KRT28: variants seen among roughly 807,000 people sequenced by gnomAD.
The protein encoded by KRT28 is keratin 28, also known as keratin, type I cytoskeletal 28.
A neutral mutation model predicts 48.1 loss-of-function variants in KRT28; 45 were observed. The observed-to-expected ratio is 0.94, with a 90% CI of 0.74 to 1.20. The LOEUF (loss-of-function observed/expected upper bound fraction) is 1.20, where lower values mean the gene tolerates loss of function less well. KRT28 is among the 50% of genes most tolerant of loss of function. The pLI, the probability that KRT28 is intolerant of heterozygous loss-of-function variation, is 0.00. For missense variants in KRT28, 571 were observed against 574.1 expected (o/e 0.99, Z 0.06); for synonymous variants, 228 against 227.4 (o/e 1.00, Z -0.03).
At chr17:40,796,787 CCT>C in intron 5 of KRT28, 127 bp downstream of exon 5, 1 of 1,261,708 alleles carries the variant, frequency 7.9e-7, no homozygotes, top group South Asian at 1.5e-5. Context: ...TTCCTGCTCT[CCT>C]CCACTCTCTC....
At chr17:40,798,059 T>A (rs77577765) in intron 3 of KRT28, among the ~76,000 whole-genome samples, 176 bp downstream of exon 3, 1 of 152,220 alleles carries the variant, frequency 6.6e-6, no homozygotes, top group South Asian at 2.1e-4. Context: ...TATTAATTCA[T>A]TGAAGCCTTT....
intron 6 of KRT28, 63 bp from the exon 7 acceptor site, chr17:40,793,273 T>C (rs570268631): frequency 7.5e-6 from 8 of 1,066,946 alleles, no homozygotes; most frequent in Non-Finnish European, 1.1e-5. Flanking sequence ...GAAATATTCA[T>C]TGACTCAATG....
Position 40,799,771 on chromosome 17 carries a change from A to T in KRT28, c.123T>A (p.Ala41=), listed in dbSNP as rs1009603065. 1 of 1,613,988 alleles carries T rather than the reference A, an allele frequency of 6.2e-7. No individual in the cohort carries two copies. Among genetic ancestry groups the T allele is most frequent in the African/African-American group, 1.3e-5 (1 of 74,908 alleles). ...AGSSACGGSV[A]GSEFSCALGG... The stretch of plus-strand genomic sequence containing the variant: ...CCAAGGCACAGGAAAATTCACTTCC[A>T]GCAACAGAGCCACCACATGCACTGC... Residue 41 remains alanine (A), a synonymous_variant, in exon 1 of 8, where the codon GCT becomes GCA. Transcript: ENST00000306658.
Position 40,793,901 on chromosome 17 carries a change from T to A in KRT28, c.1124A>T (p.His375Leu), listed in dbSNP as rs1181241302. The change falls in exon 6 of 8, where the codon CAT becomes CTT. Residue 375 changes from histidine (H) to leucine (L), a missense_variant. Coordinates refer to ENST00000306658, the MANE Select transcript of KRT28 (RefSeq NM_181535.3). ...CAAGTGGACCTTGACATCGAGGAGA[T>A]GCTCATACTCCAGCTTCTGGCCCTC... ...ETEGQKLEYE[H>L]LLDVKVHLEK... The A allele has an allele frequency of 2.5e-6, 4 of 1,613,842 alleles. No homozygotes were observed. Among genetic ancestry groups the A allele is most frequent in the African/African-American group, 2.7e-5 (2 of 74,924 alleles).
At position 40,799,820 on chromosome 17, in the gene KRT28, T is replaced by C. The variant is rs371614922; in HGVS notation, c.74A>G (p.Asn25Ser). The C allele has an allele frequency of 3.3e-5, 53 of 1,613,882 alleles. No individual in the cohort carries two copies. The highest frequency in any genetic ancestry group is 1.0e-4 in the Admixed American group (6 of 59,988). ...RSGAGSVRPL[N>S]GGAGFAGSSA... Reference sequence around the variant, plus strand: ...GCTGCCTGCAAAGCCTGCACCTCCATTGAGGGGTCTGACAGATCCAGCTCC... The same window carrying C: ...GCTGCCTGCAAAGCCTGCACCTCCACTGAGGGGTCTGACAGATCCAGCTCC... Residue 25 changes from asparagine to serine, a missense_variant, in exon 1 of 8, where the codon AAT (asparagine) becomes AGT (serine). By Grantham distance (46) the Asn-to-Ser change is conservative. Coordinates refer to ENST00000306658, the MANE Select transcript of KRT28 (RefSeq NM_181535.3).
chr17:40,794,450 C>T (rs1241832105), intron 5 of KRT28, among the ~76,000 whole-genome samples: 1 of 152,188 alleles, frequency 6.6e-6, no homozygotes, highest in East Asian at 1.9e-4. Context: ...CTGCTACTGT[C>T]CCCGCAGATC....
In KRT28 at chr17:40,795,185, G is replaced by A. The variant is rs563141123; in HGVS notation, c.979-1139C>T. Among the ~76,000 whole-genome samples, 9 of 152,298 alleles carry A rather than the reference G, an allele frequency of 5.9e-5. No homozygotes were observed. The East Asian group carries it at 1.5e-3, about 26-fold the overall frequency. ...GAGCTACTGACTTAGGCAAACAGAC[G>A]TGTTACATGGAGGGTGCTGGGCTCT... is the stretch of plus-strand genomic sequence containing the variant. On this transcript the variant is annotated intron_variant, in intron 5 of 7. Coordinates refer to ENST00000306658, the MANE Select transcript of KRT28 (RefSeq NM_181535.3).
rs1904700780 is a variant in KRT28 at position 40,799,573 on chromosome 17, C to G, written c.321G>C (p.Leu107=). 1 of 1,614,184 alleles carries G rather than the reference C, an allele frequency of 6.2e-7. No individual in the cohort carries two copies. The highest frequency in any genetic ancestry group is 1.3e-5 in the African/African-American group (1 of 75,036). ...LASYLDNVRA[L]EEANAELERK... is the part of the protein sequence containing the mutation. ...TCTCTAATTCAGCATTTGCCTCCTCCAGAGCTCGCACATTATCCAGGTAGG... is the reference window on the plus strand; with the variant it reads ...TCTCTAATTCAGCATTTGCCTCCTCGAGAGCTCGCACATTATCCAGGTAGG... The change falls in exon 1 of 8, where the codon CTG becomes CTC. Residue 107 remains leucine, a synonymous_variant. Coordinates refer to ENST00000306658, the MANE Select transcript of KRT28 (RefSeq NM_181535.3).
chr17:40,792,523 A>T lies in KRT28; in HGVS notation c.1299T>A (p.Asp433Glu). 6.2e-7 allele frequency: 1 copy of T among 1,613,370 alleles called. No homozygotes were observed. Among genetic ancestry groups the T allele is most frequent in the Non-Finnish European group, 8.5e-7 (1 of 1,179,662 alleles). The change falls in exon 8 of 8, where the codon GAT (aspartate) becomes GAA (glutamate). Residue 433 changes from aspartate (D) to glutamate (E), a missense_variant. By Grantham distance (45) the Asp-to-Glu change is conservative. Transcript: ENST00000306658. ...TTGATGAAAGAACTTTACCACGTTG[A>T]TCTAGCTCTTCAACCACTGTCTTTA... ...TLVKTVVEEL[D>E]QRGKVLSSRI...
intron 1 of KRT28, 59 bp downstream of exon 1, chr17:40,799,385 T>C: frequency 7.8e-7 from 1 of 1,277,316 alleles, no homozygotes; most frequent in East Asian, 2.3e-5. Context: ...TGTATGTCTT[T>C]TGTTAGGTAT....
At chr17:40,795,578 G>A (rs1276264679) in intron 5 of KRT28, among the ~76,000 whole-genome samples, 1 of 152,198 alleles carries the variant, frequency 6.6e-6, no homozygotes, top group Non-Finnish European at 1.5e-5. Context: ...AGACAACAGG[G>A]CCTCAGGGAT....
chr17:40,798,312 G>A lies in KRT28; in HGVS notation c.613C>T (p.Leu205Phe), dbSNP rs201165902. Residue 205 changes from leucine (L) to phenylalanine (F), a missense_variant, in exon 3 of 8, where the codon CTC (leucine) becomes TTC (phenylalanine). Physicochemically the swap from Leu to Phe is conservative, Grantham distance 22. Coordinates refer to ENST00000306658, the MANE Select transcript of KRT28 (RefSeq NM_181535.3). ...TGCAGCTCCTGGTCGGTCCTGCAGA[G>A]CGTCAGCTCGTCCAGGACTCGCCGT... Reference protein sequence around the residue: ...GLRRVLDELTLCRTDQELQYE... With the variant: ...GLRRVLDELTFCRTDQELQYE... The A allele has an allele frequency of 6.2e-6, 10 of 1,613,680 alleles. No homozygotes were observed. In the East Asian group the frequency reaches 2.2e-4, roughly 36 times the overall value.
chr17:40,792,737 C>G (rs1368449131), intron 7 of KRT28, among the ~76,000 whole-genome samples, 168 bp from the exon 8 acceptor site: 1 of 152,166 alleles, frequency 6.6e-6, no homozygotes, highest in African/African-American at 2.4e-5. Flanking sequence ...CTATTCAGAA[C>G]AGTTTAGCTA....
intron 6 of KRT28, among the ~76,000 whole-genome samples, 182 bp downstream of exon 6, chr17:40,793,647 G>A (rs552957686): frequency 6.6e-6 from 1 of 152,088 alleles, no homozygotes; most frequent in East Asian, 1.9e-4. Context: ...TAATGCAGAG[G>A]AGAACACTGT....
Position 40,796,957 on chromosome 17 carries a change from G to C in KRT28, c.937C>G (p.Leu313Val), listed in dbSNP as rs745991433. The C allele has an allele frequency of 6.2e-7, 1 of 1,612,610 alleles. No homozygotes were observed. Among genetic ancestry groups the C allele is most frequent in the Non-Finnish European group, 8.5e-7 (1 of 1,179,626 alleles). ...RSQLTEMRRT[L>V]QTLEIQLQSL... is the part of the protein sequence containing the mutation. Reference sequence around the variant, plus strand: ...TGCAGCTGGATCTCCAGGGTCTGCAGGGTGCGCCTCATCTCGGTGAGCTGG... The same window carrying C: ...TGCAGCTGGATCTCCAGGGTCTGCACGGTGCGCCTCATCTCGGTGAGCTGG... The change falls in exon 5 of 8, where the codon CTG (leucine) becomes GTG (valine). Residue 313 changes from leucine to valine, a missense_variant. Transcript: ENST00000306658.
chr17:40,798,096 T>G, intron 3 of KRT28, 139 bp downstream of exon 3: 2 of 723,700 alleles, frequency 2.8e-6, no homozygotes, highest in South Asian at 2.1e-5. Context: ...TAGGTAGTAT[T>G]ATTAGACTAA....
Position 40,792,617 on chromosome 17 carries a change from T to A in KRT28, c.1253-48A>T, listed in dbSNP as rs1481613860. ...CATATATTCAACCAAAAAGATTACA[T>A]GACAATTCCACTGCTAGTTCAATAT... On this transcript the variant is annotated intron_variant, in intron 7 of 7. Coordinates refer to ENST00000306658, the MANE Select transcript of KRT28 (RefSeq NM_181535.3). 1.2e-5 allele frequency: 17 copies of A among 1,410,794 alleles called. No homozygotes were observed. The Middle Eastern group carries it at 2.3e-3, about 189-fold the overall frequency. 87.4% of individuals were successfully genotyped at this position (1,410,794 alleles called of 1,614,324 possible). A position where few individuals can be genotyped will look rare whatever the true frequency, so the allele number is the denominator to read the frequency against.
Position 40,799,849 on chromosome 17 carries a change from C to T in KRT28, c.45G>A (p.Arg15=). Residue 15 remains arginine (R), a synonymous_variant, in exon 1 of 8, where the codon AGG becomes AGA. Coordinates refer to ENST00000306658, the MANE Select transcript of KRT28 (RefSeq NM_181535.3). Reference sequence around the variant, plus strand: ...GGGGTCTGACAGATCCAGCTCCAGACCTTAAGCAAACATGCCTGGATCCAT... The same window carrying T: ...GGGGTCTGACAGATCCAGCTCCAGATCTTAAGCAAACATGCCTGGATCCAT... ...FSNGSRHVCL[R]SGAGSVRPLN... 1.2e-6 allele frequency: 2 copies of T among 1,613,882 alleles called. No homozygotes were observed. The highest frequency in any genetic ancestry group is 2.2e-5 in the South Asian group (2 of 91,080).
intron 2 of KRT28, 34 bp from the exon 3 acceptor site, chr17:40,798,425 T>A (rs375293505): frequency 1.3e-6 from 2 of 1,578,908 alleles, no homozygotes; most frequent in Non-Finnish European, 8.6e-7. Context: ...TCAGTGCCAG[T>A]AAGACTACCC....
Sources: allele counts gnomAD v4.1 joint callset (sites outside exome capture counted in the v4.1 genomes callset), GRCh38; gene constraint gnomAD v4.1.1; transcripts MANE v1.5; gene names NCBI Gene and HGNC (gene_info 2026-07-23, HGNC 2026-07-21).